The following LMF1 variants were observed in gnomAD, a reference collection of about 807,000 sequenced individuals.
LMF1 encodes the protein transmembrane protein 112.
A neutral mutation model predicts 60.6 loss-of-function variants in LMF1; 68 were observed. The observed-to-expected ratio is 1.12, with a 90% CI of 0.92 to 1.37. The LOEUF is 1.37. Ranked by LOEUF, LMF1 falls within the 40% of genes most tolerant of loss-of-function variation. LMF1 has a pLI of 0.00. For synonymous variants in LMF1, 418 were observed against 324.7 expected, an observed-to-expected ratio of 1.29 and a Z score of -3.09; for missense variants, 948 against 767.2, an observed-to-expected ratio of 1.24 and a Z score of -2.78.
intron 2 of LMF1, among the ~76,000 whole-genome samples, chr16:940,568 G>A (rs1597038642): frequency 6.6e-6 from 1 of 152,342 alleles, no homozygotes; most frequent in East Asian, 1.9e-4. Flanking sequence ...CATAAAAGAT[G>A]GATGTCCCAG....
intron 10 of LMF1, among the ~76,000 whole-genome samples, chr16:856,697 G>T (rs983101008): frequency 6.6e-6 from 1 of 152,256 alleles, no homozygotes; most frequent in Non-Finnish European, 1.5e-5. Flanking sequence ...CAACTGGCAG[G>T]TTGGTGGGAA....
At chr16:912,893 C>T (rs1341204126) in intron 3 of LMF1, among the ~76,000 whole-genome samples, 1 of 152,246 alleles carries the variant, frequency 6.6e-6, no homozygotes, top group Non-Finnish European at 1.5e-5. Context: ...AGTCAATAAG[C>T]AGCACGCTGC....
chr16:918,840 C>T (rs771830983), intron 3 of LMF1, among the ~76,000 whole-genome samples: 57 of 129,010 alleles, frequency 4.4e-4, no homozygotes, highest in Non-Finnish European at 6.9e-4. Flanking sequence ...GCCGGCATCC[C>T]GGGGCGCACC....
At chr16:859,492 T>A (rs1359441716) in intron 10 of LMF1, among the ~76,000 whole-genome samples, 1,363 of 15,444 alleles carry the variant, frequency 0.088, no homozygotes, top group Admixed American at 0.16. Context: ...GAGTGGTGTC[T>A]CGGGACGGGT....
intron 1 of LMF1, among the ~76,000 whole-genome samples, chr16:967,670 C>T (rs762565601): frequency 2.6e-5 from 4 of 152,230 alleles, no homozygotes; most frequent in Non-Finnish European, 5.9e-5. Context: ...CCGACCACCT[C>T]GGGCAGCCTC....
At chr16:958,918 C>A (rs576845351) in intron 1 of LMF1, among the ~76,000 whole-genome samples, 1 of 149,474 alleles carries the variant, frequency 6.7e-6, no homozygotes, top group African/African-American at 2.5e-5. Context: ...ACAAAAAAAA[C>A]ACGAACATGG....
chr16:931,328 C>T (rs1216969712), intron 3 of LMF1, among the ~76,000 whole-genome samples: 2 of 152,380 alleles, frequency 1.3e-5, no homozygotes, highest in East Asian at 1.9e-4. Flanking sequence ...GCTGCTGCCT[C>T]GGGGCACGCA....
chr16:939,689 G>C (rs1219224672), intron 2 of LMF1, among the ~76,000 whole-genome samples: 2 of 152,250 alleles, frequency 1.3e-5, no homozygotes, highest in Non-Finnish European at 2.9e-5. Context: ...GTAAGACAAC[G>C]TCGGCGAGAT....
chr16:875,442 G>A (rs1488495963), intron 6 of LMF1, among the ~76,000 whole-genome samples: 1 of 152,112 alleles, frequency 6.6e-6, no homozygotes, highest in South Asian at 2.1e-4. Context: ...CTGGTTCAAG[G>A]GTCACCTCCC....
At position 878,891 on chromosome 16, in the gene LMF1, C is replaced by T. The variant is rs936678639; in HGVS notation, c.897+679G>A. Among the ~76,000 whole-genome samples, 2 of 152,210 alleles carry T rather than the reference C, an allele frequency of 1.3e-5. No individual in the cohort carries two copies. Among genetic ancestry groups the T allele is most frequent in the African/African-American group, 2.4e-5 (1 of 41,440 alleles). ...TTGAAACAATCGAGAGAGAGAACCACCTTTAAAATCCCCACCACATTTTCC... is the reference window on the plus strand; with the variant it reads ...TTGAAACAATCGAGAGAGAGAACCATCTTTAAAATCCCCACCACATTTTCC... On this transcript the variant is annotated intron_variant, in intron 6 of 10. Coordinates refer to ENST00000262301, the MANE Select transcript of LMF1 (RefSeq NM_022773.4). This position sits in a 1 kb window ranked among gnomAD's most constrained non-coding sequence, Gnocchi z 5.2.
chr16:880,804 C>G (rs1305792381), intron 5 of LMF1, among the ~76,000 whole-genome samples: 1 of 152,272 alleles, frequency 6.6e-6, no homozygotes, highest in Non-Finnish European at 1.5e-5. Flanking sequence ...CAGAGTGGCA[C>G]TGCCAGGGCT....
At chr16:908,251 G>T (rs980166475) in intron 4 of LMF1, among the ~76,000 whole-genome samples, 14 of 152,202 alleles carry the variant, frequency 9.2e-5, no homozygotes, top group African/African-American at 3.4e-4. Flanking sequence ...TCCATTAAAA[G>T]GAGCCATGGA....
At chr16:981,344 G>GAC (rs748367397), upstream of LMF1, 5 of 247,244 alleles carry the variant, frequency 2.0e-5, no homozygotes, top group Admixed American at 1.3e-4. Flanking sequence ...GAGAGAGAGA[G>GAC]AGAGTGTGTG....
intron 3 of LMF1, among the ~76,000 whole-genome samples, chr16:911,682 AGCAGCACTGGGGGAGCAGCACTGGGGAG>A (rs2071126100): frequency 1.6e-4 from 8 of 48,640 alleles, no homozygotes; most frequent in South Asian, 8.7e-4. Flanking sequence ...GCACTGGGGG[AGCAGCACTGGGGGAGCAGCACTGGGGAG>A]GCAGCACTGG....
At chr16:953,917 C>A (rs866321881) in intron 2 of LMF1, among the ~76,000 whole-genome samples, 1 of 98,110 alleles carries the variant, frequency 1.0e-5, no homozygotes, top group Non-Finnish European at 2.1e-5. Context: ...AGACACCCAC[C>A]CCAAACCAGC....
intron 3 of LMF1, among the ~76,000 whole-genome samples, chr16:923,667 G>A (rs1289940097): frequency 6.6e-6 from 1 of 152,178 alleles, no homozygotes; most frequent in Non-Finnish European, 1.5e-5. Context: ...TCAATACAAT[G>A]AGGTCACCTG....
chr16:968,174 G>A (rs565682505), intron 1 of LMF1, among the ~76,000 whole-genome samples: 3 of 152,328 alleles, frequency 2.0e-5, no homozygotes, highest in Non-Finnish European at 2.9e-5. Context: ...GCCCCAGGAC[G>A]GATGCAAAGT....
rs75600113 is a variant in LMF1, at chr16:978,883, G to A, written c.-135+2262C>T. On this transcript the variant is annotated intron_variant, in intron 1 of 6. Transcript: ENST00000570014. Reference sequence around the variant, plus strand: ...TCCATCTCTTGTCATCAGACACTCTGCTCTAGCTTCCCCAGGGAACACGCT... The same window carrying A: ...TCCATCTCTTGTCATCAGACACTCTACTCTAGCTTCCCCAGGGAACACGCT... The A allele has an allele frequency of 9.3e-6, 4 of 428,050 alleles. No individual in the cohort carries two copies. In the East Asian group the frequency reaches 2.9e-4, roughly 31 times the overall value. 26.5% of individuals were successfully genotyped at this position (428,050 alleles called of 1,614,324 possible).
intron 6 of LMF1, chr16:871,599 C>T (rs1567157840): frequency 2.0e-6 from 1 of 509,898 alleles, no homozygotes; most frequent in Non-Finnish European, 3.5e-6. Flanking sequence ...AGGTTCTGTC[C>T]CTTGCTTTAG....
Sources: gnomAD v4.1 joint callset for allele counts (sites outside exome capture counted in the v4.1 genomes callset) on GRCh38, gnomAD v4.1.1 for gene constraint, Gnocchi (gnomAD v3.1) non-coding constraint, MANE v1.5 for transcripts, NCBI Gene and HGNC (gene_info 2026-07-23, HGNC 2026-07-21) for gene names.